The following TEX101 variants were observed in gnomAD, a reference collection of about 807,000 sequenced individuals.
The protein encoded by TEX101 is testis expressed 101, also known as testis-expressed protein 101.
TEX101 carries 10 observed loss-of-function variants against 18.1 expected under a neutral mutation model. The ratio of observed to expected loss-of-function variants is 0.55; its 90% CI spans 0.34 to 0.94. TEX101 has a LOEUF of 0.94. TEX101 is among the 40% of genes least tolerant of loss of function. The pLI is 0.02. For synonymous variants in TEX101, 94 were observed against 114.8 expected (o/e 0.82, Z 1.16); for missense variants, 259 against 298.9 (o/e 0.87, Z 0.98).
upstream of TEX101, among the ~76,000 whole-genome samples, chr19:43,410,968 C>G (rs560407654): frequency 7.7e-4 from 118 of 152,308 alleles, no homozygotes; most frequent in African/African-American, 2.7e-3. Flanking sequence ...CCTCCACCTC[C>G]TGGGCTCCAG....
Position 43,416,103 on chromosome 19 carries a change from C to A in TEX101, c.69C>A (p.Gly23=). 6.2e-7 allele frequency: 1 copy of A among 1,609,898 alleles called. No individual in the cohort carries two copies. ...LVLGASLLTS[G]LELYCQKGLS... is the part of the protein sequence containing the mutation. ...CTTTTCTTGTTTTCTCCTCAGCGGG[C>A]CTAGAGCTGTATTGTCAAAAGGGTC... Residue 23 remains glycine, a synonymous_variant, in exon 3 of 6, where the codon GGC becomes GGA. Transcript: ENST00000598265.
At chr19:43,397,860 A>T (rs1487384550), upstream of TEX101, among the ~76,000 whole-genome samples, 2 of 101,336 alleles carry the variant, frequency 2.0e-5, no homozygotes, top group Admixed American at 3.3e-4. Flanking sequence ...AATATATATA[A>T]ATATATAATA....
At chr19:43,399,720 C>T (rs1419906118), upstream of TEX101, among the ~76,000 whole-genome samples, 5 of 151,540 alleles carry the variant, frequency 3.3e-5, no homozygotes, top group African/African-American at 1.2e-4. Flanking sequence ...TGTTTCAATC[C>T]ATTGCATCCA....
the TEX101 span, among the ~76,000 whole-genome samples, chr19:43,390,499 ACT>A: frequency 1.7e-5 from 1 of 58,318 alleles, no homozygotes; most frequent in Non-Finnish European, 3.0e-5. Flanking sequence ...AAGAGTTCTC[ACT>A]CTCTCACCCA....
upstream of TEX101, among the ~76,000 whole-genome samples, chr19:43,397,743 A>G (rs1444420353): frequency 7.1e-6 from 1 of 140,036 alleles, no homozygotes; most frequent in Non-Finnish European, 1.5e-5. Context: ...TCCATTTTCA[A>G]TCTTCACCAT....
intron 4 of TEX101, among the ~76,000 whole-genome samples, 191 bp downstream of exon 4, chr19:43,416,746 T>G (rs185552115): frequency 2.6e-5 from 4 of 152,294 alleles, no homozygotes; most frequent in Non-Finnish European, 1.5e-5. Flanking sequence ...GAGATACCAG[T>G]GAAGCCTGGA....
the TEX101 span, among the ~76,000 whole-genome samples, chr19:43,391,642 T>C: frequency 6.6e-6 from 1 of 152,204 alleles, no homozygotes. Context: ...CTTGGAAACC[T>C]TCCCGGGTGC....
At chr19:43,392,004 C>A in the TEX101 span, among the ~76,000 whole-genome samples, 9 of 152,114 alleles carry the variant, frequency 5.9e-5, no homozygotes, top group Admixed American at 5.2e-4. Context: ...CCACCCAAGA[C>A]CTCAATACAG....
chr19:43,408,275 T>C (rs935062791), intron 3 of TEX101, among the ~76,000 whole-genome samples: 3 of 152,202 alleles, frequency 2.0e-5, no homozygotes, highest in African/African-American at 4.8e-5. Context: ...AGCCAGGTCT[T>C]CTCCTCGTTC....
upstream of TEX101, among the ~76,000 whole-genome samples, chr19:43,414,585 G>T (rs903874484): frequency 3.3e-5 from 5 of 152,322 alleles, no homozygotes; most frequent in Non-Finnish European, 5.9e-5. Context: ...TCCTAGTGTG[G>T]CTGGAGAAGC....
upstream of TEX101, among the ~76,000 whole-genome samples, chr19:43,410,183 G>T (rs1269759001): frequency 6.6e-6 from 1 of 152,214 alleles, no homozygotes; most frequent in Non-Finnish European, 1.5e-5. Flanking sequence ...GCATAGGCCT[G>T]TTGGTAGGAG....
chr19:43,414,339 G>A (rs1970447742), upstream of TEX101, among the ~76,000 whole-genome samples: 1 of 152,124 alleles, frequency 6.6e-6, no homozygotes, highest in Non-Finnish European at 1.5e-5. Context: ...ATGCTGAGGG[G>A]GGCATTCCTA....
At position 43,418,181 on chromosome 19, in the gene TEX101, G is replaced by A. The variant is rs151129496; in HGVS notation, c.534G>A (p.Ser178=). 291 of 1,614,154 alleles carry A rather than the reference G, an allele frequency of 1.8e-4. 1 individual carries two copies. The East Asian group carries it at 4.0e-3, about 22-fold the overall frequency. Residue 178 remains serine, a synonymous_variant, in exon 6 of 6, where the codon TCG becomes TCA. Coordinates refer to ENST00000598265, the MANE Select transcript of TEX101 (RefSeq NM_001130011.3). ...KLEITGGGIE[S]SVEVKGCTAM... The stretch of plus-strand genomic sequence containing the variant: ...CTTGTTCTATAGGTGGCATTGAGTC[G>A]TCTGTGGAGGTCAAAGGCTGTACAG...
At chr19:43,408,067 G>C (rs1970384889) in intron 3 of TEX101, among the ~76,000 whole-genome samples, 2 of 152,172 alleles carry the variant, frequency 1.3e-5, no homozygotes, top group African/African-American at 4.8e-5. Flanking sequence ...TCAATCCCGG[G>C]GGTCTCCCGC....
chr19:43,408,862 C>T (rs1018794263), intron 3 of TEX101, among the ~76,000 whole-genome samples: 4 of 152,106 alleles, frequency 2.6e-5, no homozygotes, highest in African/African-American at 9.7e-5. Context: ...TCTCAAGCAC[C>T]GATGCTGCCA....
upstream of TEX101, among the ~76,000 whole-genome samples, chr19:43,410,994 A>C (rs1006968506): frequency 6.6e-6 from 1 of 152,146 alleles, no homozygotes; most frequent in Non-Finnish European, 1.5e-5. Flanking sequence ...CTCCCACCTC[A>C]GCCTCCCAAA....
intron 1 of TEX101, among the ~76,000 whole-genome samples, chr19:43,402,113 G>A (rs1970323216): frequency 6.6e-6 from 1 of 152,258 alleles, no homozygotes; most frequent in South Asian, 2.1e-4. Flanking sequence ...ACACATAAGC[G>A]GGTGTCCCAT....
intron 2 of TEX101, among the ~76,000 whole-genome samples, chr19:43,404,123 G>A (rs1970341567): frequency 6.8e-6 from 1 of 147,920 alleles, no homozygotes; most frequent in Non-Finnish European, 1.5e-5. Context: ...TTTAAGACAG[G>A]TATGTGTAAG....
chr19:43,395,694 G>T, the TEX101 span, among the ~76,000 whole-genome samples: 28 of 152,306 alleles, frequency 1.8e-4, no homozygotes, highest in Admixed American at 1.8e-3. Context: ...GCTGAACGAC[G>T]CCTCTCAGAA....
Sources: gnomAD v4.1 joint callset for allele counts (sites outside exome capture counted in the v4.1 genomes callset) on GRCh38, gnomAD v4.1.1 for gene constraint, MANE v1.5 for transcripts, NCBI Gene and HGNC (gene_info 2026-07-23, HGNC 2026-07-21) for gene names.